CNTN3: variants seen among roughly 807,000 people sequenced by gnomAD.
CNTN3 encodes contactin-3.
Under a neutral mutation model 119.1 loss-of-function variants are expected in CNTN3, and 60 were observed. The ratio of observed to expected loss-of-function variants is 0.50; its 90% CI spans 0.41 to 0.62. The LOEUF (loss-of-function observed/expected upper bound fraction) is 0.62, where lower values mean the gene tolerates loss of function less well. Ranked by LOEUF, CNTN3 falls within the 20% of genes least tolerant of loss-of-function variation. The probability of loss-of-function intolerance (pLI) is 0.00; values close to 1 mark genes in which losing one functional copy is unlikely to be tolerated. For synonymous variants in CNTN3, 450 were observed against 438.7 expected (o/e 1.03, Z -0.32); for missense variants, 1,101 against 1,242.4 (o/e 0.89, Z 1.71).
chr3:74,373,965 G>A (rs1471267455), intron 5 of CNTN3, among the ~76,000 whole-genome samples: 1 of 152,116 alleles, frequency 6.6e-6, no homozygotes, highest in Non-Finnish European at 1.5e-5. Context: ...AGAACCTAAA[G>A]CACAGAACAC....
At chr3:74,308,718 T>C (rs1226689181) in intron 13 of CNTN3, among the ~76,000 whole-genome samples, 1 of 152,162 alleles carries the variant, frequency 6.6e-6, no homozygotes, top group Non-Finnish European at 1.5e-5. Context: ...TAACCCAGTG[T>C]TTTCTACACT....
intron 1 of CNTN3, among the ~76,000 whole-genome samples, chr3:74,571,789 C>T (rs1381137143): frequency 6.6e-6 from 1 of 152,226 alleles, no homozygotes; most frequent in South Asian, 2.1e-4. Flanking sequence ...AACTTGGGAT[C>T]GCTCACTAAT....
chr3:74,613,834 A>T (rs1405214101), intron 1 of CNTN3, among the ~76,000 whole-genome samples: 1 of 152,218 alleles, frequency 6.6e-6, no homozygotes, highest in Non-Finnish European at 1.5e-5. Context: ...ACTACAGCGC[A>T]GCAGGGTAAA....
chr3:74,350,813 T>C (rs1205439628), intron 11 of CNTN3, among the ~76,000 whole-genome samples: 6 of 151,184 alleles, frequency 4.0e-5, no homozygotes, highest in Non-Finnish European at 7.4e-5. Flanking sequence ...ATTAAATTAA[T>C]GTAGAAACAC....
intron 19 of CNTN3, among the ~76,000 whole-genome samples, chr3:74,287,827 T>C (rs1320868823): frequency 6.6e-6 from 1 of 152,198 alleles, no homozygotes; most frequent in South Asian, 2.1e-4. Flanking sequence ...TGGAATATCT[T>C]TGCCTAATAA....
chr3:74,510,199 C>A, intron 2 of CNTN3, among the ~76,000 whole-genome samples: 1 of 151,920 alleles, frequency 6.6e-6, no homozygotes, highest in Admixed American at 6.6e-5. Flanking sequence ...CCTGAGACCA[C>A]CCTAATCAGA....
chr3:74,452,464 G>A (rs1444721178), intron 4 of CNTN3, among the ~76,000 whole-genome samples: 2 of 148,256 alleles, frequency 1.3e-5, no homozygotes, highest in African/African-American at 5.1e-5. Context: ...TCTGCAAACA[G>A]GGACAATTTG....
At chr3:74,469,400 G>A (rs1205486466) in intron 4 of CNTN3, among the ~76,000 whole-genome samples, 3 of 152,124 alleles carry the variant, frequency 2.0e-5, no homozygotes, top group Non-Finnish European at 4.4e-5. Flanking sequence ...TTAAAGAGAT[G>A]ACTCAAAAAC....
In CNTN3 at chr3:74,587,479, G is replaced by C. The variant is rs557180118; in HGVS notation, c.-81+26912C>G. ...ATCAAAATTGTGATTCCATCAACTT[G>C]GGTCTCTGTGTAACTACAATGGGCA... is the stretch of plus-strand genomic sequence containing the variant. On this transcript the variant is annotated intron_variant, in intron 1 of 22. Coordinates refer to ENST00000263665, the MANE Select transcript of CNTN3 (RefSeq NM_020872.3). Among the ~76,000 whole-genome samples, 43 of 152,120 alleles carry C rather than the reference G, an allele frequency of 2.8e-4. No individual in the cohort carries two copies. In the South Asian group the frequency reaches 8.7e-3, roughly 31 times the overall value.
chr3:74,512,369 A>G (rs544137516), intron 2 of CNTN3, among the ~76,000 whole-genome samples: 2 of 152,268 alleles, frequency 1.3e-5, no homozygotes, highest in East Asian at 1.9e-4. Flanking sequence ...TAAGTCTGAG[A>G]CAAAAGGTTC....
At chr3:74,393,765 G>GT (rs1262877419) in intron 5 of CNTN3, among the ~76,000 whole-genome samples, 4 of 152,198 alleles carry the variant, frequency 2.6e-5, no homozygotes, top group Admixed American at 6.5e-5. Context: ...ATCCACCACA[G>GT]TGTGCCAAGT....
At position 74,386,690 on chromosome 3, in the gene CNTN3, TC is replaced by T. The variant is rs538702679; in HGVS notation, c.455-15292del. On this transcript the variant is annotated intron_variant, in intron 5 of 22. Transcript: ENST00000263665. ...GAAAGATTCCTTTCCTCTCTATTCTTCAGTTTCCTTGTTTGTAAAATTAAAA... is the reference window on the plus strand; with the variant it reads ...GAAAGATTCCTTTCCTCTCTATTCTTAGTTTCCTTGTTTGTAAAATTAAAA... Among the ~76,000 whole-genome samples the T allele has an allele frequency of 7.9e-5, 12 of 152,342 alleles. No individual in the cohort carries two copies. In the South Asian group the frequency reaches 2.5e-3, roughly 32 times the overall value.
chr3:74,613,945 G>A (rs1705125453), intron 1 of CNTN3, among the ~76,000 whole-genome samples: 1 of 152,184 alleles, frequency 6.6e-6, no homozygotes, highest in African/African-American at 2.4e-5. Flanking sequence ...GAAAGAATCG[G>A]CCACCCTAGC....
chr3:74,399,458 T>C (rs1705136110), intron 5 of CNTN3, among the ~76,000 whole-genome samples: 1 of 152,196 alleles, frequency 6.6e-6, no homozygotes, highest in African/African-American at 2.4e-5. Context: ...TCCATGTCCC[T>C]GTAAATGACA....
chr3:74,270,025 C>T (rs1482976924), intron 20 of CNTN3, among the ~76,000 whole-genome samples: 1 of 152,068 alleles, frequency 6.6e-6, no homozygotes, highest in African/African-American at 2.4e-5. Flanking sequence ...TACTTTACTA[C>T]AATGAAAGGT....
At chr3:74,563,140 G>T (rs1307341257) in intron 1 of CNTN3, among the ~76,000 whole-genome samples, 1 of 152,058 alleles carries the variant, frequency 6.6e-6, no homozygotes, top group East Asian at 1.9e-4. Context: ...CCATCTATTG[G>T]TTTCTATACA....
chr3:74,443,239 T>A (rs1199616523), intron 4 of CNTN3, among the ~76,000 whole-genome samples: 2 of 152,166 alleles, frequency 1.3e-5, no homozygotes, highest in African/African-American at 4.8e-5. Context: ...TGGGAAGCCC[T>A]GGGCAGTCCC....
chr3:74,263,232 A>G lies in CNTN3; in HGVS notation c.*1169T>C, dbSNP rs1459148686. 1.3e-5 allele frequency: 2 copies of G among 152,148 alleles called. No individual in the cohort carries two copies. Among genetic ancestry groups the G allele is most frequent in the Non-Finnish European group, 2.9e-5 (2 of 67,992 alleles). The allele number at this position is 152,148 out of a possible 1,614,324, so 9.4% of individuals were successfully genotyped here. A position where few individuals can be genotyped will look rare whatever the true frequency, so the allele number is the denominator to read the frequency against. On this transcript the variant is annotated 3_prime_UTR_variant, in exon 23 of 23. Coordinates refer to ENST00000263665, the MANE Select transcript of CNTN3 (RefSeq NM_020872.3). The stretch of plus-strand genomic sequence containing the variant: ...ACCACATATTGAAAGACTGAGTCAT[A>G]CATATCAAAGTCAGCAGCATTGCCT...
intron 1 of CNTN3, among the ~76,000 whole-genome samples, chr3:74,533,591 A>G (rs746579179): frequency 6.6e-6 from 1 of 152,030 alleles, no homozygotes; most frequent in Admixed American, 6.6e-5. Context: ...GTAGAAAAAC[A>G]TTAACCAACA....
Sources: gnomAD v4.1 joint callset for allele counts (sites outside exome capture counted in the v4.1 genomes callset) on GRCh38, gnomAD v4.1.1 for gene constraint, MANE v1.5 for transcripts, NCBI Gene and HGNC (gene_info 2026-07-23, HGNC 2026-07-21) for gene names.